Variants in NOS1AP observed in about 807,000 individuals in gnomAD.
NOS1AP encodes the protein carboxyl-terminal PDZ ligand of neuronal nitric oxide synthase protein.
Under a neutral mutation model 56.2 loss-of-function variants are expected in NOS1AP, and 21 were observed. That is an observed-to-expected ratio of 0.37 (90% CI 0.26 to 0.54). NOS1AP has a LOEUF of 0.54. Among genes scored for constraint, NOS1AP ranks in the 20% least tolerant of loss-of-function variants. The pLI is 0.84. For missense variants in NOS1AP, 522 were observed against 657.8 expected, an observed-to-expected ratio of 0.79 and a Z score of 2.26; for synonymous variants, 270 against 274.6, an observed-to-expected ratio of 0.98 and a Z score of 0.17.
chr1:162,365,437 G>C lies in NOS1AP; in HGVS notation c.973G>C (p.Ala325Pro). 1 of 1,614,058 alleles carries C rather than the reference G, an allele frequency of 6.2e-7. No individual in the cohort carries two copies. The highest frequency in any genetic ancestry group is 8.5e-7 in the Non-Finnish European group (1 of 1,180,036). ...HLLKDQLAAE[A>P]AARLEAQARV... ...GCTGAAGGACCAGTTGGCTGCTGAG[G>C]CTGCGGCGCGGCTGGAGGCCCAGGC... Residue 325 changes from alanine to proline, a missense_variant, in exon 9 of 10, where the codon GCT (alanine) becomes CCT (proline). By Grantham distance (27) the Ala-to-Pro change is conservative. Around this residue, in one of 4 missense-constraint regions of NOS1AP, gnomAD observed 52 missense variants for 94.5 expected, o/e 0.55. Transcript: ENST00000361897.
intron 2 of NOS1AP, among the ~76,000 whole-genome samples, chr1:162,180,081 A>T (rs1277057644): frequency 1.3e-5 from 2 of 152,152 alleles, no homozygotes; most frequent in Non-Finnish European, 2.9e-5. Flanking sequence ...TCTGAATGAT[A>T]TGTTACCTAG....
intron 2 of NOS1AP, among the ~76,000 whole-genome samples, chr1:162,221,077 G>A (rs978797419): frequency 6.6e-6 from 1 of 152,298 alleles, no homozygotes; most frequent in South Asian, 2.1e-4. Context: ...GAGTAGCTGG[G>A]ACTGCAGGCA....
chr1:162,086,113 G>C (rs1691994468), intron 1 of NOS1AP, among the ~76,000 whole-genome samples: 1 of 152,162 alleles, frequency 6.6e-6, no homozygotes, highest in Non-Finnish European at 1.5e-5. Flanking sequence ...ATGGGGCAGA[G>C]CTCATCCATT....
intron 2 of NOS1AP, among the ~76,000 whole-genome samples, chr1:162,221,538 A>ACG (rs1652782433): frequency 1.0e-5 from 1 of 99,102 alleles, no homozygotes; most frequent in African/African-American, 4.0e-5. Flanking sequence ...ACGCGCGCAC[A>ACG]CACACACACA....
intron 1 of NOS1AP, among the ~76,000 whole-genome samples, chr1:162,107,992 T>C (rs566931828): frequency 1.7e-3 from 256 of 152,334 alleles, no homozygotes; most frequent in African/African-American, 5.9e-3. Context: ...TTCTTGAATT[T>C]GAGTTGGACA....
intron 2 of NOS1AP, among the ~76,000 whole-genome samples, chr1:162,242,917 A>G (rs945656750): frequency 1.3e-5 from 2 of 152,148 alleles, no homozygotes; most frequent in African/African-American, 4.8e-5. Context: ...AAAAGTGAAA[A>G]TGAGCATTAT....
chr1:162,235,494 G>A (rs1274228005), intron 2 of NOS1AP, among the ~76,000 whole-genome samples: 1 of 152,202 alleles, frequency 6.6e-6, no homozygotes, highest in African/African-American at 2.4e-5. Context: ...AAGGGGCCAT[G>A]GGGAGCCTCG....
At chr1:162,092,202 T>C (rs368538438) in intron 1 of NOS1AP, among the ~76,000 whole-genome samples, 1 of 152,174 alleles carries the variant, frequency 6.6e-6, no homozygotes, top group African/African-American at 2.4e-5. Context: ...CGAAGAGGAC[T>C]TTTATAGAGT....
chr1:162,344,120 C>T (rs565538799), intron 6 of NOS1AP, 144 bp downstream of exon 6: 8 of 879,904 alleles, frequency 9.1e-6, no homozygotes, highest in South Asian at 8.7e-5. Context: ...TCTAGATTCT[C>T]TTTAAGGAAC....
In NOS1AP at chr1:162,367,222, G is replaced by A. The variant is rs796052201; in HGVS notation, c.1276G>A (p.Val426Met). 6.2e-7 allele frequency: 1 copy of A among 1,613,926 alleles called. No individual in the cohort carries two copies. Among genetic ancestry groups the A allele is most frequent in the Non-Finnish European group, 8.5e-7 (1 of 1,179,980 alleles). Residue 426 changes from valine (V) to methionine (M), a missense_variant, in exon 10 of 10, where the codon GTG becomes ATG. By Grantham distance (21) the Val-to-Met change is conservative. Coordinates refer to ENST00000361897, the MANE Select transcript of NOS1AP (RefSeq NM_014697.3). The surrounding 1 kb of genome is among the most constrained non-coding windows in gnomAD (Gnocchi z 6.5). ...CCCCTTAGGTAGGCGCGACTGCTTG[G>A]TGAAGCTGGAGTGCTTTCGCTTTCT... is the stretch of plus-strand genomic sequence containing the variant. ...GSPLGRRDCL[V>M]KLECFRFLPP... is the part of the protein sequence containing the mutation.
chr1:162,362,345 G>T (rs563452044), intron 8 of NOS1AP, among the ~76,000 whole-genome samples: 1 of 152,144 alleles, frequency 6.6e-6, no homozygotes, highest in South Asian at 2.1e-4. Context: ...CAGCTGTTTG[G>T]GAGGATGAGG....
chr1:162,321,785 C>A (rs568702689), intron 4 of NOS1AP, among the ~76,000 whole-genome samples: 2 of 149,238 alleles, frequency 1.3e-5, no homozygotes, highest in Admixed American at 6.7e-5. Flanking sequence ...AGGCCATTAT[C>A]CTGAGTGAAT....
At chr1:162,131,330 A>G (rs2102063440) in intron 1 of NOS1AP, among the ~76,000 whole-genome samples, 1 of 151,838 alleles carries the variant, frequency 6.6e-6, no homozygotes, top group Non-Finnish European at 1.5e-5. Context: ...TTCTTGGCCC[A>G]CATACCTCAA....
At chr1:162,272,456 C>A (rs770920355) in intron 2 of NOS1AP, among the ~76,000 whole-genome samples, 15 of 152,116 alleles carry the variant, frequency 9.9e-5, no homozygotes, top group Non-Finnish European at 2.1e-4. Context: ...GCACAGACAT[C>A]TGAGGCTCCA....
intron 4 of NOS1AP, among the ~76,000 whole-genome samples, chr1:162,312,412 C>T (rs1330424152): frequency 2.4e-5 from 3 of 127,368 alleles, no homozygotes; most frequent in Non-Finnish European, 5.0e-5. Context: ...TGTCCTTCGC[C>T]CACTTTTTGA....
At position 162,289,225 on chromosome 1, in the gene NOS1AP, C is replaced by CTTCCT. The variant is rs1557864738; in HGVS notation, c.270+1791_270+1795dup. Among the ~76,000 whole-genome samples, 29 of 35,350 alleles carry CTTCCT rather than the reference C, an allele frequency of 8.2e-4. 3 individuals are homozygous for CTTCCT. The highest frequency in any genetic ancestry group is 2.5e-3 in the African/African-American group (21 of 8,314). 23.2% of individuals were successfully genotyped at this position (35,350 alleles called of 152,430 possible). A position where few individuals can be genotyped will look rare whatever the true frequency, so the allele number is the denominator to read the frequency against. On this transcript the variant is annotated intron_variant, in intron 3 of 9. Transcript: ENST00000361897. The stretch of plus-strand genomic sequence containing the variant: ...CTTCCTTCCTTTCCTTCCTTCCTTC[C>CTTCCT]TTCCTTCCTTCCTTCCTTCCTTCCT...
At chr1:162,317,213 A>G (rs1656258300) in intron 4 of NOS1AP, 1 of 152,192 alleles carries the variant, frequency 6.6e-6, no homozygotes, top group South Asian at 2.1e-4. Context: ...TAATTGTTGG[A>G]GATGGACCTG....
At chr1:162,290,269 C>CT (rs2101742389) in intron 3 of NOS1AP, among the ~76,000 whole-genome samples, 1 of 152,366 alleles carries the variant, frequency 6.6e-6, no homozygotes, top group East Asian at 1.9e-4. Context: ...TGCACCCACA[C>CT]TTAGTGTCCG....
intron 8 of NOS1AP, chr1:162,363,965 A>C (rs1322230251): frequency 3.0e-6 from 3 of 985,302 alleles, no homozygotes; most frequent in Non-Finnish European, 2.4e-6. Flanking sequence ...CAGGGCCTCC[A>C]ATCTGGGCAA....
Sources: gnomAD v4.1 joint callset for allele counts (sites outside exome capture counted in the v4.1 genomes callset) on GRCh38, gnomAD v4.1.1 for gene constraint, gnomAD v4.1.1 regional missense constraint, Gnocchi (gnomAD v3.1) non-coding constraint, MANE v1.5 for transcripts, NCBI Gene and HGNC (gene_info 2026-07-23, HGNC 2026-07-21) for gene names.